CCDC85A: variants seen among roughly 807,000 people sequenced by gnomAD.
CCDC85A encodes the protein coiled-coil domain containing 85A, also known as coiled-coil domain-containing protein 85A.
A neutral mutation model predicts 50.2 loss-of-function variants in CCDC85A; 38 were observed. The observed-to-expected ratio is 0.76, with a 90% CI of 0.58 to 0.99. CCDC85A has a LOEUF of 0.99. CCDC85A is among the 50% of genes least tolerant of loss of function. The pLI, the probability that CCDC85A is intolerant of heterozygous loss-of-function variation, is 0.00. For synonymous variants in CCDC85A, 366 were observed against 301.4 expected, an observed-to-expected ratio of 1.21 and a Z score of -2.22; for missense variants, 820 against 742.0, an observed-to-expected ratio of 1.11 and a Z score of -1.22.
intron 2 of CCDC85A, among the ~76,000 whole-genome samples, chr2:56,221,955 G>A (rs1668346018): frequency 6.6e-6 from 1 of 152,032 alleles, no homozygotes; most frequent in African/African-American, 2.4e-5. Context: ...GGTGGAAAGT[G>A]GAAGCAAGTG....
At chr2:56,267,184 A>G (rs919600276) in intron 2 of CCDC85A, among the ~76,000 whole-genome samples, 6 of 152,126 alleles carry the variant, frequency 3.9e-5, no homozygotes, top group African/African-American at 1.4e-4. Context: ...TAAAAATAGC[A>G]ATTAACTCCT....
chr2:56,292,542 AT>A (rs1471729721), intron 2 of CCDC85A, among the ~76,000 whole-genome samples: 1 of 152,162 alleles, frequency 6.6e-6, no homozygotes, highest in Non-Finnish European at 1.5e-5. Flanking sequence ...TGATGTGATT[AT>A]TTAGTTAGAT....
At chr2:56,274,282 ATG>A (rs954457056) in intron 2 of CCDC85A, among the ~76,000 whole-genome samples, 1 of 152,156 alleles carries the variant, frequency 6.6e-6, no homozygotes, top group South Asian at 2.1e-4. Flanking sequence ...GTGTGTATAT[ATG>A]TGTGTATGTA....
chr2:56,348,039 A>G (rs1674716549), intron 3 of CCDC85A, among the ~76,000 whole-genome samples: 1 of 152,226 alleles, frequency 6.6e-6, no homozygotes, highest in Non-Finnish European at 1.5e-5. Context: ...TGCTGAGGTA[A>G]AAGTTATTAT....
At chr2:56,210,870 G>C (rs1406052079) in intron 2 of CCDC85A, among the ~76,000 whole-genome samples, 1 of 152,010 alleles carries the variant, frequency 6.6e-6, no homozygotes, top group Non-Finnish European at 1.5e-5. Flanking sequence ...TGTATTGGTT[G>C]AAGTAGTCAT....
intron 2 of CCDC85A, among the ~76,000 whole-genome samples, chr2:56,323,233 T>C (rs965716838): frequency 1.4e-4 from 21 of 152,162 alleles, no homozygotes; most frequent in Non-Finnish European, 1.0e-4. Context: ...ACATGGCGCA[T>C]GTATACATAT....
At chr2:56,379,379 T>C (rs1216513190) in intron 5 of CCDC85A, among the ~76,000 whole-genome samples, 1 of 152,210 alleles carries the variant, frequency 6.6e-6, no homozygotes, top group Non-Finnish European at 1.5e-5. Context: ...ATTTGGCACA[T>C]AGTTAATTAT....
intron 2 of CCDC85A, among the ~76,000 whole-genome samples, chr2:56,230,004 C>A (rs1668710536): frequency 6.6e-6 from 1 of 152,106 alleles, no homozygotes. Context: ...GAGGTTGATG[C>A]AAATATTAAT....
intron 2 of CCDC85A, among the ~76,000 whole-genome samples, chr2:56,328,974 C>T (rs1264865293): frequency 6.6e-6 from 1 of 152,072 alleles, no homozygotes; most frequent in Non-Finnish European, 1.5e-5. Context: ...CACAGTACAC[C>T]ACATCCGCCC....
chr2:56,297,186 G>A (rs555835027), intron 2 of CCDC85A, among the ~76,000 whole-genome samples: 51 of 152,222 alleles, frequency 3.4e-4, no homozygotes, highest in African/African-American at 1.2e-3. Flanking sequence ...TCCCATAGTG[G>A]CACTAAAATG....
In CCDC85A at chr2:56,265,735, A is replaced by C. The variant is rs372259867; in HGVS notation, c.1240+72295A>C. On this transcript the variant is annotated intron_variant, in intron 2 of 5. Coordinates refer to ENST00000407595, the MANE Select transcript of CCDC85A (RefSeq NM_001080433.2). ...ACAGACATTATGGAAAACAGTGTGG[A>C]GGTGCCTCAAAAAACTAAAAATGGA... Among the ~76,000 whole-genome samples the C allele has an allele frequency of 3.9e-5, 6 of 152,276 alleles. No homozygotes were observed. In the East Asian group the frequency reaches 7.7e-4, roughly 20 times the overall value.
intron 3 of CCDC85A, among the ~76,000 whole-genome samples, chr2:56,358,209 G>A (rs1183121143): frequency 6.6e-6 from 1 of 152,148 alleles, no homozygotes; most frequent in Non-Finnish European, 1.5e-5. Context: ...GTCTGAATAC[G>A]ACAGATCCCA....
intron 2 of CCDC85A, among the ~76,000 whole-genome samples, chr2:56,318,791 A>G (rs1361693383): frequency 5.3e-5 from 8 of 151,952 alleles, no homozygotes; most frequent in Non-Finnish European, 7.4e-5. Context: ...TCTGGTTTTC[A>G]CTCCTATTTC....
intron 5 of CCDC85A, among the ~76,000 whole-genome samples, chr2:56,380,918 T>G (rs1342341221): frequency 1.3e-5 from 2 of 152,154 alleles, no homozygotes; most frequent in Admixed American, 6.6e-5. Flanking sequence ...TCATATTCTT[T>G]TCTCTATCCT....
intron 1 of CCDC85A, among the ~76,000 whole-genome samples, chr2:56,185,313 G>T (rs549758444): frequency 2.4e-4 from 37 of 152,308 alleles, no homozygotes; most frequent in Middle Eastern, 6.8e-3. Flanking sequence ...CGGCTGCTCT[G>T]GGCCAGCAGC....
intron 2 of CCDC85A, among the ~76,000 whole-genome samples, chr2:56,335,055 A>C (rs1299917297): frequency 2.0e-5 from 3 of 152,214 alleles, no homozygotes; most frequent in Admixed American, 1.3e-4. Flanking sequence ...ATAAGGCAGT[A>C]TGAATTAAAT....
At chr2:56,256,721 T>C (rs1669999807) in intron 2 of CCDC85A, among the ~76,000 whole-genome samples, 1 of 152,194 alleles carries the variant, frequency 6.6e-6, no homozygotes, top group Non-Finnish European at 1.5e-5. Context: ...AATATAACCT[T>C]CCTGGCCTAA....
At chr2:56,239,901 A>T (rs947182093) in intron 2 of CCDC85A, among the ~76,000 whole-genome samples, 1 of 151,934 alleles carries the variant, frequency 6.6e-6, no homozygotes, top group Admixed American at 6.6e-5. Context: ...TTATATATTT[A>T]TATCTGTTTT....
chr2:56,364,800 T>C (rs1675707928), intron 3 of CCDC85A, among the ~76,000 whole-genome samples: 1 of 152,194 alleles, frequency 6.6e-6, no homozygotes, highest in Non-Finnish European at 1.5e-5. Context: ...CCATCAATAT[T>C]GTCCTTTTAA....
Sources: gnomAD v4.1 joint callset for allele counts (sites outside exome capture counted in the v4.1 genomes callset) on GRCh38, gnomAD v4.1.1 for gene constraint, MANE v1.5 for transcripts, NCBI Gene and HGNC (gene_info 2026-07-23, HGNC 2026-07-21) for gene names.